TENM4: variants seen among roughly 807,000 people sequenced by gnomAD.
The protein encoded by TENM4 is teneurin-4.
TENM4 carries 82 observed loss-of-function variants against 243.3 expected under a neutral mutation model. The observed-to-expected ratio is 0.34, with a 90% confidence interval of 0.28 to 0.40. The LOEUF (loss-of-function observed/expected upper bound fraction) is 0.40, where lower values mean the gene tolerates loss of function less well. Ranked by LOEUF, TENM4 falls within the 10% of genes least tolerant of loss-of-function variation. The pLI, the probability that TENM4 is intolerant of heterozygous loss-of-function variation, is 1.00. For missense variants in TENM4, 3,138 were observed against 3,673.3 expected, an observed-to-expected ratio of 0.85 and a Z score of 3.77; for synonymous variants, 1,412 against 1,456.3, an observed-to-expected ratio of 0.97 and a Z score of 0.69.
intron 1 of TENM4, among the ~76,000 whole-genome samples, chr11:79,382,644 T>C (rs1858027984): frequency 6.6e-6 from 1 of 151,290 alleles, no homozygotes; most frequent in Non-Finnish European, 1.5e-5. Flanking sequence ...GAGTCCTCAG[T>C]GAAGCAGGGA....
intron 6 of TENM4, among the ~76,000 whole-genome samples, chr11:79,006,682 G>A (rs1858493242): frequency 1.3e-5 from 2 of 152,126 alleles, no homozygotes; most frequent in African/African-American, 2.4e-5. Context: ...CAGGCCTTAA[G>A]GCCTACATTA....
intron 3 of TENM4, among the ~76,000 whole-genome samples, chr11:79,185,794 C>A (rs183003654): frequency 6.6e-6 from 1 of 152,294 alleles, no homozygotes; most frequent in Non-Finnish European, 1.5e-5. Flanking sequence ...ATCATTTACC[C>A]TGCAGAGAGT....
chr11:78,708,984 T>TTAA (rs59432159), intron 26 of TENM4, among the ~76,000 whole-genome samples: 8 of 145,312 alleles, frequency 5.5e-5, no homozygotes, highest in African/African-American at 1.9e-4. Flanking sequence ...TTTTTTTTTT[T>TTAA]AAAAAAAGAG....
At chr11:79,313,221 A>G (rs1856750611) in intron 1 of TENM4, among the ~76,000 whole-genome samples, 1 of 152,220 alleles carries the variant, frequency 6.6e-6, no homozygotes, top group African/African-American at 2.4e-5. Flanking sequence ...ATGCTATTCC[A>G]AAGCCAAGTG....
intron 6 of TENM4, among the ~76,000 whole-genome samples, chr11:79,059,819 G>A (rs1188008026): frequency 6.6e-6 from 1 of 152,170 alleles, no homozygotes; most frequent in Admixed American, 6.5e-5. Flanking sequence ...GGCTCCAAGA[G>A]GTGAAATGCC....
At chr11:78,988,581 A>T (rs1336148668) in intron 6 of TENM4, among the ~76,000 whole-genome samples, 3 of 152,182 alleles carry the variant, frequency 2.0e-5, no homozygotes, top group Non-Finnish European at 2.9e-5. Context: ...AAGACCAATA[A>T]TCTGTGCCCC....
intron 10 of TENM4, among the ~76,000 whole-genome samples, chr11:78,856,651 T>C (rs866697884): frequency 2.0e-5 from 3 of 152,022 alleles, no homozygotes; most frequent in Middle Eastern, 3.2e-3. Flanking sequence ...GAGTAAGGTA[T>C]TTAAAAAGCT....
At chr11:79,264,873 T>C (rs1855857442) in intron 2 of TENM4, among the ~76,000 whole-genome samples, 1 of 152,212 alleles carries the variant, frequency 6.6e-6, no homozygotes, top group East Asian at 1.9e-4. Flanking sequence ...AAGTCCATTC[T>C]GTTTATACCT....
Position 79,220,946 on chromosome 11 carries a change from TTA to T in TENM4, c.-264-5039_-264-5038del, listed in dbSNP as rs1342566312. 5 of 152,356 alleles carry T rather than the reference TTA, an allele frequency of 3.3e-5. No homozygotes were observed. In the East Asian group the frequency reaches 9.6e-4, roughly 29 times the overall value. 9.4% of individuals were successfully genotyped at this position (152,356 alleles called of 1,614,324 possible). On this transcript the variant is annotated intron_variant, in intron 2 of 33. Transcript: ENST00000278550. ...ATCCAATCTTCTGAAAACCATCTCA[TTA>T]TCACGTAAATTATTAGCACAAAATA...
chr11:79,340,489 G>A (rs1342199242), intron 1 of TENM4, among the ~76,000 whole-genome samples: 1 of 152,142 alleles, frequency 6.6e-6, no homozygotes, highest in East Asian at 1.9e-4. Context: ...CTGGGCTAGG[G>A]TGGAATGTCA....
chr11:79,375,027 TGA>T (rs1857864682), intron 1 of TENM4, among the ~76,000 whole-genome samples: 1 of 152,120 alleles, frequency 6.6e-6, no homozygotes, highest in South Asian at 2.1e-4. Flanking sequence ...TGGAAAGAAA[TGA>T]GAGAGAGGGA....
intron 3 of TENM4, among the ~76,000 whole-genome samples, chr11:79,151,856 A>C (rs1862518299): frequency 6.6e-6 from 1 of 152,084 alleles, no homozygotes; most frequent in Non-Finnish European, 1.5e-5. Context: ...TTTTCATTGC[A>C]TGCTTTATCT....
chr11:79,098,465 G>A lies in TENM4; in HGVS notation c.-65-28456C>T, dbSNP rs377762721. ...TGGCCTCCACTCAGCACGAGTCTGAGAGAGTCCAAGTAGAAAACAGGACAC... is the reference window on the plus strand; with the variant it reads ...TGGCCTCCACTCAGCACGAGTCTGAAAGAGTCCAAGTAGAAAACAGGACAC... On this transcript the variant is annotated intron_variant, in intron 4 of 33. Coordinates refer to ENST00000278550, the MANE Select transcript of TENM4 (RefSeq NM_001098816.3). Among the ~76,000 whole-genome samples the A allele has an allele frequency of 6.6e-5, 10 of 152,296 alleles. No homozygotes were observed. In the East Asian group the frequency reaches 1.9e-3, roughly 29 times the overall value.
chr11:79,031,937 A>G (rs1859250769), intron 6 of TENM4, among the ~76,000 whole-genome samples: 2 of 152,160 alleles, frequency 1.3e-5, no homozygotes, highest in Non-Finnish European at 2.9e-5. Flanking sequence ...AACATCCTAC[A>G]ATGCACAAGA....
intron 25 of TENM4, among the ~76,000 whole-genome samples, chr11:78,715,400 G>A (rs1297300239): frequency 1.3e-5 from 2 of 152,146 alleles, no homozygotes; most frequent in African/African-American, 4.8e-5. Context: ...GGTCCCTGAG[G>A]GGGTATGGTG....
At chr11:78,754,643 A>G (rs1856264393) in intron 19 of TENM4, among the ~76,000 whole-genome samples, 1 of 152,200 alleles carries the variant, frequency 6.6e-6, no homozygotes, top group South Asian at 2.1e-4. Flanking sequence ...GGGAAGGCCT[A>G]CAAGCATACA....
chr11:79,129,187 G>A (rs1861945221), intron 4 of TENM4, among the ~76,000 whole-genome samples: 1 of 152,174 alleles, frequency 6.6e-6, no homozygotes, highest in African/African-American at 2.4e-5. Flanking sequence ...AAAATACAGG[G>A]GTAGAGGAAG....
At chr11:78,740,233 T>C (rs1479394726) in intron 19 of TENM4, among the ~76,000 whole-genome samples, 1 of 152,162 alleles carries the variant, frequency 6.6e-6, no homozygotes, top group African/African-American at 2.4e-5. Flanking sequence ...CCTAGAGTGA[T>C]AAACTTTTCT....
At chr11:79,064,102 G>A (rs1860175188) in intron 6 of TENM4, among the ~76,000 whole-genome samples, 1 of 151,868 alleles carries the variant, frequency 6.6e-6, no homozygotes, top group Non-Finnish European at 1.5e-5. Context: ...TTTGTGGTGA[G>A]AATATTTAAA....
Sources: gnomAD v4.1 joint callset for allele counts (sites outside exome capture counted in the v4.1 genomes callset) on GRCh38, gnomAD v4.1.1 for gene constraint, MANE v1.5 for transcripts, NCBI Gene and HGNC (gene_info 2026-07-23, HGNC 2026-07-21) for gene names.